The following ADCY3 variants were observed in gnomAD, a reference collection of about 807,000 sequenced individuals.
ADCY3 encodes the protein adenylate cyclase type 3.
Under a neutral mutation model 119.4 loss-of-function variants are expected in ADCY3, and 70 were observed. The ratio of observed to expected loss-of-function variants is 0.59; its 90% confidence interval spans 0.48 to 0.72. The LOEUF (loss-of-function observed/expected upper bound fraction) is 0.72, where lower values mean the gene tolerates loss of function less well. Among genes scored for constraint, ADCY3 ranks in the 30% least tolerant of loss-of-function variants. ADCY3 has a pLI of 0.00. For synonymous variants in ADCY3, 672 were observed against 621.4 expected (o/e 1.08, Z -1.21); for missense variants, 1,238 against 1,541.6 (o/e 0.80, Z 3.30).
At chr2:24,836,892 C>G in intron 9 of ADCY3, 25 bp downstream of exon 9, 1 of 1,587,576 alleles carries the variant, frequency 6.3e-7, no homozygotes, top group Non-Finnish European at 8.6e-7. Flanking sequence ...CCTCAGTGAC[C>G]CCCTGCCCTG....
chr2:24,910,597 T>C (rs1351544522), intron 2 of ADCY3, among the ~76,000 whole-genome samples: 4 of 152,084 alleles, frequency 2.6e-5, no homozygotes, highest in Admixed American at 2.6e-4. Context: ...CCGAGGAAAA[T>C]GTTTTTAGAT....
At chr2:24,860,965 TA>T (rs1197085477) in intron 3 of ADCY3, among the ~76,000 whole-genome samples, 1 of 152,130 alleles carries the variant, frequency 6.6e-6, no homozygotes, top group Non-Finnish European at 1.5e-5. Context: ...GAAAACAAGA[TA>T]AATAGCCGAG....
chr2:24,820,313 T>A (rs1484556375), intron 21 of ADCY3, 199 bp from the exon 22 acceptor site: 2 of 1,304,690 alleles, frequency 1.5e-6, no homozygotes, highest in Non-Finnish European at 2.0e-6. Flanking sequence ...AGTGACTGGC[T>A]GGGGGCCTCC....
chr2:24,886,354 C>T (rs767405147), intron 2 of ADCY3, among the ~76,000 whole-genome samples: 1 of 152,224 alleles, frequency 6.6e-6, no homozygotes, highest in Non-Finnish European at 1.5e-5. Context: ...CCCACCTGGC[C>T]GCCTTCCGCC....
Position 24,838,501 on chromosome 2 carries a change from T to C in ADCY3, c.1477A>G (p.Ile493Val), listed in dbSNP as rs1316680656. ...TTCTTCACCTCTGGCTTGGAGGCAA[T>C]GATGAGGTAGGTTTCAATACCCTTC... The part of the protein sequence containing the change: ...EEKGIETYLI[I>V]ASKPEVKKTA... Residue 493 changes from isoleucine to valine, a missense_variant, in exon 8 of 22, where the codon ATT becomes GTT. Transcript: ENST00000679454. 1.9e-6 allele frequency: 3 copies of C among 1,613,874 alleles called. No individual in the cohort carries two copies. Among genetic ancestry groups the C allele is most frequent in the East Asian group, 2.2e-5 (1 of 44,884 alleles).
rs1669574065 is a variant in ADCY3, at chr2:24,831,898, G to A, written c.1968-149C>T. 4 of 532,106 alleles carry A rather than the reference G, an allele frequency of 7.5e-6. 1 individual carries two copies. The highest frequency in any genetic ancestry group is 6.2e-5 in the South Asian group (3 of 48,024). 33.0% of individuals were successfully genotyped at this position (532,106 alleles called of 1,614,324 possible). ...CAGTGGACAGGGGCCAGGGGGCAGG[G>A]GACAGCGGACAGGGGCCAGGGGACA... On this transcript the variant is annotated intron_variant, in intron 11 of 21. Transcript: ENST00000679454.
chr2:24,821,357 TG>T, intron 20 of ADCY3, 159 bp downstream of exon 20: 1 of 1,067,472 alleles, frequency 9.4e-7, no homozygotes, highest in Non-Finnish European at 1.3e-6. Flanking sequence ...TAGAGTCGTC[TG>T]GACTAAAGGT....
chr2:24,820,045 C>A lies in ADCY3; in HGVS notation c.3322G>T (p.Val1108Leu). 6.2e-7 allele frequency: 1 copy of A among 1,606,506 alleles called. No individual in the cohort carries two copies. Among genetic ancestry groups the A allele is most frequent in the Non-Finnish European group, 8.5e-7 (1 of 1,176,560 alleles). Residue 1108 changes from valine (V) to leucine (L), a missense_variant, in exon 22 of 22, where the codon GTG becomes TTG. Around this residue, in one of 7 missense-constraint regions of ADCY3, gnomAD observed 86 missense variants for 70.7 expected, o/e 1.22. Coordinates refer to ENST00000679454, the MANE Select transcript of ADCY3 (RefSeq NM_004036.5). Reference sequence around the variant, plus strand: ...GTCAGCAGCTCCCCCTTCCCCTTCACAAAGATGGGGCCTCGCCTCACAAAG... The same window carrying A: ...GTCAGCAGCTCCCCCTTCCCCTTCAAAAAGATGGGGCCTCGCCTCACAAAG... ...FRFVRRGPIFVKGKGELLTFF... is the reference protein window; with the variant it reads ...FRFVRRGPIFLKGKGELLTFF...
Position 24,851,726 on chromosome 2 carries a change from G to C in ADCY3, c.826-9342C>G, listed in dbSNP as rs139240017. Among the ~76,000 whole-genome samples the C allele has an allele frequency of 3.6e-3, 541 of 152,272 alleles. 1 individual carries two copies. Among genetic ancestry groups the C allele is most frequent in the Non-Finnish European group, 3.9e-3 (267 of 68,018 alleles). ...AATAAACATAGAAATGGATCCTTCTGCTCTTAAGGCTTAAAACTTCTACTT... is the reference window on the plus strand; with the variant it reads ...AATAAACATAGAAATGGATCCTTCTCCTCTTAAGGCTTAAAACTTCTACTT... On this transcript the variant is annotated intron_variant, in intron 3 of 21. Transcript: ENST00000679454.
rs1350318374 is a variant in ADCY3, at chr2:24,899,741, A to C, written c.675+18572T>G. Reference sequence around the variant, plus strand: ...TCCCCGATTTGCATAAGCTTATATAAAGAATGTATCTGTCCTAAATGTGCA... The same window carrying C: ...TCCCCGATTTGCATAAGCTTATATACAGAATGTATCTGTCCTAAATGTGCA... On this transcript the variant is annotated intron_variant, in intron 2 of 21. Transcript: ENST00000679454. The surrounding 1 kb of genome is among the most constrained non-coding windows in gnomAD (Gnocchi z 4.5). Among the ~76,000 whole-genome samples the C allele has an allele frequency of 2.0e-5, 3 of 152,192 alleles. No homozygotes were observed. The highest frequency in any genetic ancestry group is 4.4e-5 in the Non-Finnish European group (3 of 68,042).
At chr2:24,851,216 AG>A (rs899770377) in intron 3 of ADCY3, among the ~76,000 whole-genome samples, 1 of 152,016 alleles carries the variant, frequency 6.6e-6, no homozygotes, top group Non-Finnish European at 1.5e-5. Context: ...TAACCTGAGG[AG>A]GGGGAACCTA....
At chr2:24,880,050 G>C (rs934685985) in intron 2 of ADCY3, among the ~76,000 whole-genome samples, 1 of 152,224 alleles carries the variant, frequency 6.6e-6, no homozygotes, top group Admixed American at 6.5e-5. Context: ...AGCCTGGGGT[G>C]CTGCTGCCAT....
In ADCY3 at chr2:24,919,108, T is replaced by C; in HGVS notation, c.-121A>G. 1 of 1,118,708 alleles carries C rather than the reference T, an allele frequency of 8.9e-7. No individual in the cohort carries two copies. Among genetic ancestry groups the C allele is most frequent in the Non-Finnish European group, 1.2e-6 (1 of 809,248 alleles). The allele number at this position is 1,118,708 out of a possible 1,614,324, so 69.3% of individuals were successfully genotyped here. Reference sequence around the variant, plus strand: ...GGAGGGCTGAGGGCCTCTTCTTGTCTGGGGCGGAGGGGAGGCCACCTCCAG... The same window carrying C: ...GGAGGGCTGAGGGCCTCTTCTTGTCCGGGGCGGAGGGGAGGCCACCTCCAG... On this transcript the variant is annotated 5_prime_UTR_variant, in exon 2 of 22. Transcript: ENST00000679454. This position sits in a 1 kb window ranked among gnomAD's most constrained non-coding sequence, Gnocchi z 5.5.
chr2:24,842,263 T>C lies in ADCY3; in HGVS notation c.947A>G (p.Glu316Gly). ...QFNTMYMYRH[E>G]NVSILFADIV... Reference sequence around the variant, plus strand: ...CCCCGGGCCGGCGTACCTGACGTTCTCGTGACGGTACATGTACATGGTGTT... The same window carrying C: ...CCCCGGGCCGGCGTACCTGACGTTCCCGTGACGGTACATGTACATGGTGTT... Residue 316 changes from glutamate (E) to glycine (G), a missense_variant, in exon 4 of 22, where the codon GAG becomes GGG. Coordinates refer to ENST00000679454, the MANE Select transcript of ADCY3 (RefSeq NM_004036.5). The surrounding 1 kb of genome is among the most constrained non-coding windows in gnomAD (Gnocchi z 4.9). The C allele has an allele frequency of 6.2e-7, 1 of 1,614,128 alleles. No individual in the cohort carries two copies. The highest frequency in any genetic ancestry group is 8.5e-7 in the Non-Finnish European group (1 of 1,180,020).
chr2:24,853,538 C>T (rs10204918), intron 3 of ADCY3, among the ~76,000 whole-genome samples: 2,633 of 145,638 alleles, frequency 0.018, 57 homozygotes, highest in African/African-American at 0.063. Context: ...GGTGCGACCT[C>T]GGCTCACTGC....
At chr2:24,884,843 C>CT (rs36007978) in intron 2 of ADCY3, among the ~76,000 whole-genome samples, 3 of 151,854 alleles carry the variant, frequency 2.0e-5, no homozygotes, top group Non-Finnish European at 4.4e-5. Flanking sequence ...CTTTTACCAT[C>CT]TTTTTTCCCT....
chr2:24,827,944 G>C lies in ADCY3; in HGVS notation c.2390C>G (p.Pro797Arg). The C allele has an allele frequency of 1.2e-6, 2 of 1,614,202 alleles. No individual in the cohort carries two copies. The highest frequency in any genetic ancestry group is 1.7e-6 in the Non-Finnish European group (2 of 1,180,040). Residue 797 changes from proline to arginine, a missense_variant, in exon 14 of 22, where the codon CCC becomes CGC. This residue lies in a region of ADCY3 where 499 missense variants were observed against 571.0 expected (regional missense o/e 0.87). Coordinates refer to ENST00000679454, the MANE Select transcript of ADCY3 (RefSeq NM_004036.5). ...VATINLYAWR[P>R]VFDEYDHKRF... is the part of the protein sequence containing the mutation. ...CTTGTGGTCGTATTCATCAAAGACG[G>C]GACGCCAGGCATAGAGGTTGATGGT...
intron 3 of ADCY3, among the ~76,000 whole-genome samples, chr2:24,846,785 G>A (rs996577526): frequency 6.6e-6 from 1 of 152,070 alleles, no homozygotes; most frequent in Non-Finnish European, 1.5e-5. Flanking sequence ...CACCATGATG[G>A]CCAGGCTGGT....
intron 13 of ADCY3, among the ~76,000 whole-genome samples, chr2:24,829,013 C>CTTTT (rs1311448132): frequency 4.5e-5 from 4 of 87,986 alleles, no homozygotes; most frequent in South Asian, 4.3e-4. Context: ...TAGACTTATT[C>CTTTT]TTTTTTTTCT....
Sources: gnomAD v4.1 joint callset for allele counts (sites outside exome capture counted in the v4.1 genomes callset) on GRCh38, gnomAD v4.1.1 for gene constraint, gnomAD v4.1.1 regional missense constraint, Gnocchi (gnomAD v3.1) non-coding constraint, MANE v1.5 for transcripts, NCBI Gene and HGNC (gene_info 2026-07-23, HGNC 2026-07-21) for gene names.